TTLL13: variants seen among roughly 807,000 people sequenced by gnomAD.
The protein encoded by TTLL13 is tubulin polyglutamylase TTLL13.
the TTLL13 span, among the ~76,000 whole-genome samples, chr15:90,255,099 T>TG: frequency 6.6e-6 from 1 of 152,236 alleles, no homozygotes; most frequent in Non-Finnish European, 1.5e-5. Context: ...GCTGTCCCCC[T>TG]GTGCAGACAG....
the TTLL13 span, chr15:90,255,883 A>C: frequency 6.2e-7 from 1 of 1,614,150 alleles, no homozygotes; most frequent in Non-Finnish European, 8.5e-7. Flanking sequence ...GCCTCCCCGC[A>C]GAGTGAGTGG....
the TTLL13 span, chr15:90,251,028 C>T: frequency 8.7e-7 from 1 of 1,149,692 alleles, no homozygotes; most frequent in African/African-American, 1.6e-5. Context: ...GTGTCATTAA[C>T]CCTTTGATAC....
the TTLL13 span, among the ~76,000 whole-genome samples, chr15:90,261,286 C>G: frequency 2.0e-5 from 3 of 151,268 alleles, no homozygotes; most frequent in African/African-American, 7.3e-5. Flanking sequence ...GCTATGTTGG[C>G]CAGGCTGGTC....
chr15:90,263,133 T>G, the TTLL13 span: 1 of 1,525,668 alleles, frequency 6.6e-7, no homozygotes, highest in Non-Finnish European at 8.7e-7. Context: ...AGAAAAAACT[T>G]CATGAGAGTC....
At chr15:90,262,547 AAG>A in the TTLL13 span, 1 of 1,531,618 alleles carries the variant, frequency 6.5e-7, no homozygotes, top group Non-Finnish European at 8.7e-7. Context: ...CTCGGGCACT[AAG>A]AGGCAAAAGG....
At chr15:90,257,557 G>C in the TTLL13 span, 1 of 1,317,318 alleles carries the variant, frequency 7.6e-7, no homozygotes, top group African/African-American at 1.4e-5. Flanking sequence ...GGGAGGGGTG[G>C]GGAGCAACAA....
chr15:90,262,599 G>C, the TTLL13 span: 4 of 1,534,324 alleles, frequency 2.6e-6, no homozygotes, highest in Non-Finnish European at 3.5e-6. Flanking sequence ...GGGGAGAAAA[G>C]CCGACCCAGG....
the TTLL13 span, chr15:90,262,645 C>T: frequency 1.3e-6 from 2 of 1,500,740 alleles, no homozygotes; most frequent in Non-Finnish European, 1.8e-6. Flanking sequence ...ACTTGGCTTA[C>T]AGGAACCGCA....
At chr15:90,251,139 A>G in the TTLL13 span, among the ~76,000 whole-genome samples, 1 of 43,670 alleles carries the variant, frequency 2.3e-5, no homozygotes, top group Admixed American at 3.3e-4. Context: ...TTTGAGACAG[A>G]GTCTCGCTCT....
At chr15:90,260,602 C>T in the TTLL13 span, among the ~76,000 whole-genome samples, 2,694 of 152,222 alleles carry the variant, frequency 0.018, 66 homozygotes, top group African/African-American at 0.058. Flanking sequence ...CCTGTAATCT[C>T]AGCCCTTTGG....
At chr15:90,264,569 C>T in the TTLL13 span, 2 of 881,980 alleles carry the variant, frequency 2.3e-6, no homozygotes, top group South Asian at 1.8e-5. Flanking sequence ...AAAAGACATA[C>T]CATACCAATT....
At chr15:90,256,545 TTTTCTTTC>T in the TTLL13 span, among the ~76,000 whole-genome samples, 2,814 of 105,200 alleles carry the variant, frequency 0.027, 56 homozygotes, top group African/African-American at 0.035. Context: ...TCTCCTTCCT[TTTTCTTTC>T]TTTCTTTCTT....
chr15:90,249,872 T>C, the TTLL13 span: 6 of 152,270 alleles, frequency 3.9e-5, no homozygotes, highest in Admixed American at 2.0e-4. Flanking sequence ...CCCTAGTGTG[T>C]ACACGTGCAG....
chr15:90,251,072 C>T, the TTLL13 span, among the ~76,000 whole-genome samples: 1 of 150,590 alleles, frequency 6.6e-6, no homozygotes, highest in Admixed American at 6.6e-5. Flanking sequence ...TTTAGGCTGG[C>T]TCATTTTGGA....
chr15:90,258,232 T>G, the TTLL13 span: 1 of 1,614,132 alleles, frequency 6.2e-7, no homozygotes, highest in South Asian at 1.1e-5. Context: ...GGTTTTGACA[T>G]CTTGCTGGAC....
chr15:90,257,146 C>T, the TTLL13 span: 2 of 1,613,288 alleles, frequency 1.2e-6, no homozygotes, highest in Non-Finnish European at 1.7e-6. Context: ...AGCCCCTCCT[C>T]ATTGATGGCT....
At chr15:90,256,581 CTTTCTTTCTTTCTTTCTTTCT>C in the TTLL13 span, among the ~76,000 whole-genome samples, 202 of 35,694 alleles carry the variant, frequency 5.7e-3, 8 homozygotes, top group Middle Eastern at 0.07. Context: ...TTCTTTCTTT[CTTTCTTTCTTTCTTTCTTTCT>C]TTCTTTCCTT....
the TTLL13 span, chr15:90,253,145 A>G: frequency 7.2e-5 from 54 of 755,070 alleles, no homozygotes; most frequent in Middle Eastern, 3.7e-4. Flanking sequence ...TCCCTCTTCA[A>G]CCTGCCCTCG....
the TTLL13 span, chr15:90,262,781 G>A: frequency 4.9e-6 from 6 of 1,233,524 alleles, no homozygotes; most frequent in African/African-American, 9.1e-5. Context: ...AGAGAGAGGA[G>A]TTCCTAATCA....
Sources: allele counts gnomAD v4.1 joint callset (sites outside exome capture counted in the v4.1 genomes callset), GRCh38; gene constraint gnomAD v4.1.1; transcripts MANE v1.5; gene names NCBI Gene and HGNC (gene_info 2026-07-23, HGNC 2026-07-21).